The following PPP2R5E variants were observed in gnomAD, a reference collection of about 807,000 sequenced individuals.
PPP2R5E encodes the protein protein phosphatase 2 regulatory subunit B'epsilon.
PPP2R5E carries 4 observed loss-of-function variants against 65.3 expected under a neutral mutation model. The ratio of observed to expected loss-of-function variants is 0.06; its 90% CI spans 0.03 to 0.14. The LOEUF is 0.14. Ranked by LOEUF, PPP2R5E falls within the 10% of genes least tolerant of loss-of-function variation. The probability of loss-of-function intolerance (pLI) is 1.00; values close to 1 mark genes in which losing one functional copy is unlikely to be tolerated. For missense variants in PPP2R5E, 274 were observed against 556.1 expected, an observed-to-expected ratio of 0.49 and a Z score of 5.10; for synonymous variants, 183 against 187.4, an observed-to-expected ratio of 0.98 and a Z score of 0.19.
chr14:63,466,288 AAC>A (rs1889796479), intron 2 of PPP2R5E, among the ~76,000 whole-genome samples: 1 of 147,836 alleles, frequency 6.8e-6, no homozygotes, highest in Admixed American at 6.7e-5. Flanking sequence ...AAAAAAAAAC[AAC>A]AACAAGAGTC....
intron 2 of PPP2R5E, among the ~76,000 whole-genome samples, chr14:63,521,497 T>C (rs1197014686): frequency 6.6e-6 from 1 of 152,108 alleles, no homozygotes; most frequent in African/African-American, 2.4e-5. Flanking sequence ...AGAAATCCCG[T>C]CTCTACTAAA....
chr14:63,477,561 G>A (rs1159851005), intron 2 of PPP2R5E, among the ~76,000 whole-genome samples: 1 of 151,928 alleles, frequency 6.6e-6, no homozygotes, highest in Non-Finnish European at 1.5e-5. Context: ...AGATGGGAAG[G>A]AGAGGAGAAG....
Position 63,484,853 on chromosome 14 carries a change from T to C in PPP2R5E, c.158-30968A>G, listed in dbSNP as rs142775298. Among the ~76,000 whole-genome samples the C allele has an allele frequency of 1.3e-3, 199 of 152,336 alleles. 1 individual carries two copies. The highest frequency in any genetic ancestry group is 4.6e-3 in the African/African-American group (190 of 41,594). On this transcript the variant is annotated intron_variant, in intron 2 of 13. Coordinates refer to ENST00000337537, the MANE Select transcript of PPP2R5E (RefSeq NM_006246.5). ...AAACACATAAGCCAATAGTATCTTGTAAATTTACAGGAATCCTAAGCAGCA... is the reference window on the plus strand; with the variant it reads ...AAACACATAAGCCAATAGTATCTTGCAAATTTACAGGAATCCTAAGCAGCA...
At chr14:63,430,374 C>CATACATACATAT (rs1887586441) in intron 3 of PPP2R5E, among the ~76,000 whole-genome samples, 1 of 108,452 alleles carries the variant, frequency 9.2e-6, no homozygotes, top group African/African-American at 5.0e-5. Flanking sequence ...TACATACATG[C>CATACATACATAT]ATGCATACAT....
chr14:63,480,735 T>C (rs1208528806), intron 2 of PPP2R5E, among the ~76,000 whole-genome samples: 1 of 152,340 alleles, frequency 6.6e-6, no homozygotes, highest in South Asian at 2.1e-4. Flanking sequence ...CATGAGCCAC[T>C]GTGCCTGGCC....
At chr14:63,507,580 T>TC (rs1892254378) in intron 2 of PPP2R5E, among the ~76,000 whole-genome samples, 3 of 142,434 alleles carry the variant, frequency 2.1e-5, no homozygotes, top group Admixed American at 2.1e-4. Flanking sequence ...ATTCTCTTTT[T>TC]TTTTTTTTTT....
chr14:63,375,916 G>T lies in PPP2R5E; in HGVS notation c.*93C>A. On this transcript the variant is annotated 3_prime_UTR_variant, in exon 14 of 14. Transcript: ENST00000337537. ...TAATGAAACAAAGGTGAAATCTACTGTAAAGTTGCACAATACAGAAAACTG... is the reference window on the plus strand; with the variant it reads ...TAATGAAACAAAGGTGAAATCTACTTTAAAGTTGCACAATACAGAAAACTG... 1 of 871,434 alleles carries T rather than the reference G, an allele frequency of 1.1e-6. No individual in the cohort carries two copies. The highest frequency in any genetic ancestry group is 2.5e-5 in the East Asian group (1 of 40,554). The allele number at this position is 871,434 out of a possible 1,614,324, so 54.0% of individuals were successfully genotyped here.
At chr14:63,378,238 T>G (rs1287067339) in intron 13 of PPP2R5E, among the ~76,000 whole-genome samples, 1 of 152,228 alleles carries the variant, frequency 6.6e-6, no homozygotes, top group Non-Finnish European at 1.5e-5. Context: ...AGCAAGGGCT[T>G]GGAATTTTAC....
intron 1 of PPP2R5E, among the ~76,000 whole-genome samples, chr14:63,540,447 AAAG>A (rs1236744003): frequency 5.5e-5 from 8 of 144,686 alleles, no homozygotes; most frequent in African/African-American, 2.1e-4. Context: ...AAAAAAAAAA[AAAG>A]CCAGGCACAG....
intron 2 of PPP2R5E, among the ~76,000 whole-genome samples, chr14:63,494,245 TA>T (rs1166589625): frequency 1.6e-4 from 25 of 151,838 alleles, no homozygotes; most frequent in Admixed American, 6.6e-5. Flanking sequence ...TTTATTTATT[TA>T]TTTATGAGAC....
At chr14:63,488,594 A>G (rs1284892100) in intron 2 of PPP2R5E, among the ~76,000 whole-genome samples, 2 of 152,164 alleles carry the variant, frequency 1.3e-5, no homozygotes. Flanking sequence ...CATGCCTGTA[A>G]TCCCAGCACT....
chr14:63,469,625 C>T (rs551055270), intron 2 of PPP2R5E, among the ~76,000 whole-genome samples: 162 of 152,258 alleles, frequency 1.1e-3, no homozygotes, highest in Middle Eastern at 3.4e-3. Flanking sequence ...ACCCGGGAGG[C>T]GGAGCTGGCA....
At chr14:63,528,765 T>C (rs1893288423) in intron 2 of PPP2R5E, among the ~76,000 whole-genome samples, 1 of 152,194 alleles carries the variant, frequency 6.6e-6, no homozygotes, top group Non-Finnish European at 1.5e-5. Flanking sequence ...TAAATGCCTT[T>C]ATTACTTATT....
At chr14:63,449,638 C>A (rs1373911845) in intron 3 of PPP2R5E, among the ~76,000 whole-genome samples, 1 of 151,906 alleles carries the variant, frequency 6.6e-6, no homozygotes, top group Non-Finnish European at 1.5e-5. Flanking sequence ...GTGTTGAGTA[C>A]CCTGATATGC....
intron 5 of PPP2R5E, among the ~76,000 whole-genome samples, chr14:63,401,738 T>C (rs921968048): frequency 2.6e-5 from 4 of 152,104 alleles, no homozygotes; most frequent in Non-Finnish European, 2.9e-5. Context: ...TTAGACTTAT[T>C]TGTAGACTTC....
chr14:63,506,815 C>T (rs1004636815), intron 2 of PPP2R5E, among the ~76,000 whole-genome samples: 4 of 152,166 alleles, frequency 2.6e-5, no homozygotes, highest in African/African-American at 9.7e-5. Context: ...CCCAAGGTAA[C>T]TGAAAGTATG....
chr14:63,402,904 C>A (rs555461807), intron 5 of PPP2R5E, among the ~76,000 whole-genome samples: 2 of 151,824 alleles, frequency 1.3e-5, no homozygotes, highest in Non-Finnish European at 2.9e-5. Flanking sequence ...ATTAAGTGTT[C>A]TGCACAATAA....
At chr14:63,510,665 G>A (rs1185030611) in intron 2 of PPP2R5E, among the ~76,000 whole-genome samples, 3 of 152,232 alleles carry the variant, frequency 2.0e-5, no homozygotes, top group Non-Finnish European at 4.4e-5. Flanking sequence ...GAAACAGCAA[G>A]GAGGGAGTGT....
intron 2 of PPP2R5E, among the ~76,000 whole-genome samples, chr14:63,479,934 T>C (rs888727331): frequency 3.3e-5 from 5 of 152,236 alleles, no homozygotes; most frequent in African/African-American, 1.2e-4. Flanking sequence ...CAAAGGTCGC[T>C]ACTCAAATTT....
Sources: gnomAD v4.1 joint callset for allele counts (sites outside exome capture counted in the v4.1 genomes callset) on GRCh38, gnomAD v4.1.1 for gene constraint, MANE v1.5 for transcripts, NCBI Gene and HGNC (gene_info 2026-07-23, HGNC 2026-07-21) for gene names.